The following EFCAB11 variants were observed in gnomAD, a reference collection of about 807,000 sequenced individuals.
EFCAB11 encodes the protein EF-hand calcium binding domain 11, also known as EF-hand calcium-binding domain-containing protein 11.
Under a neutral mutation model 23.0 loss-of-function variants are expected in EFCAB11, and 14 were observed. That is an observed-to-expected ratio of 0.61 (90% CI 0.40 to 0.95). EFCAB11 has a LOEUF of 0.95. EFCAB11 is among the 40% of genes least tolerant of loss of function. The probability of loss-of-function intolerance (pLI) is 0.00; values close to 1 mark genes in which losing one functional copy is unlikely to be tolerated. For missense variants in EFCAB11, 198 were observed against 195.8 expected, an observed-to-expected ratio of 1.01 and a Z score of -0.07; for synonymous variants, 65 against 66.6, an observed-to-expected ratio of 0.98 and a Z score of 0.11.
intron 5 of EFCAB11, among the ~76,000 whole-genome samples, chr14:89,800,015 A>G (rs377702234): frequency 6.6e-6 from 1 of 151,934 alleles, no homozygotes; most frequent in African/African-American, 2.4e-5. Flanking sequence ...GTGAAACCCA[A>G]TCTCTACTAA....
At chr14:89,827,989 A>G (rs1886758016) in intron 5 of EFCAB11, among the ~76,000 whole-genome samples, 1 of 152,160 alleles carries the variant, frequency 6.6e-6, no homozygotes, top group African/African-American at 2.4e-5. Flanking sequence ...CACCAGAGCC[A>G]CTTTTTGAGA....
chr14:89,909,535 C>T (rs575018815), intron 5 of EFCAB11, among the ~76,000 whole-genome samples: 6 of 152,194 alleles, frequency 3.9e-5, no homozygotes, highest in South Asian at 4.1e-4. Context: ...GAGCTGAGAT[C>T]GCGCCATTGC....
At chr14:89,841,616 C>T (rs542984806) in intron 5 of EFCAB11, among the ~76,000 whole-genome samples, 51 of 152,222 alleles carry the variant, frequency 3.4e-4, no homozygotes, top group Non-Finnish European at 5.3e-4. Flanking sequence ...GTACTTGTCA[C>T]TGCTGACCCC....
chr14:89,868,497 G>A lies in EFCAB11; in HGVS notation c.410+63044C>T, dbSNP rs113745050. Among the ~76,000 whole-genome samples, 836 of 152,200 alleles carry A rather than the reference G, an allele frequency of 5.5e-3. 5 individuals are homozygous for A. The highest frequency in any genetic ancestry group is 0.019 in the African/African-American group (809 of 41,516). On this transcript the variant is annotated intron_variant, in intron 5 of 5. Transcript: ENST00000316738. ...AGAATACACCAAGATAAAATACTCC[G>A]TAGAATTAAGCAGAAAAACTATAAA... is the stretch of plus-strand genomic sequence containing the variant.
At chr14:89,932,366 C>T (rs950125936) in intron 4 of EFCAB11, among the ~76,000 whole-genome samples, 160 bp downstream of exon 4, 10 of 151,962 alleles carry the variant, frequency 6.6e-5, no homozygotes, top group South Asian at 2.1e-4. Context: ...GAAATCACGA[C>T]GGAGAAAAAA....
intron 5 of EFCAB11, among the ~76,000 whole-genome samples, chr14:89,809,484 A>G (rs1886080217): frequency 6.6e-6 from 1 of 152,202 alleles, no homozygotes; most frequent in Non-Finnish European, 1.5e-5. Context: ...TTCAGCCACT[A>G]AAAAAGATCA....
At chr14:89,865,634 T>C (rs1888063847) in intron 5 of EFCAB11, among the ~76,000 whole-genome samples, 1 of 151,740 alleles carries the variant, frequency 6.6e-6, no homozygotes, top group South Asian at 2.1e-4. Context: ...CCAGAGTAGC[T>C]GGAACTACAG....
chr14:89,819,496 T>C (rs1056062181), intron 5 of EFCAB11, among the ~76,000 whole-genome samples: 7 of 152,020 alleles, frequency 4.6e-5, no homozygotes, highest in East Asian at 1.9e-4. Flanking sequence ...CACAGCTCAC[T>C]ACAGCCTAAA....
chr14:89,824,967 C>A (rs1258082429), intron 5 of EFCAB11, among the ~76,000 whole-genome samples: 2 of 151,832 alleles, frequency 1.3e-5, no homozygotes, highest in Non-Finnish European at 2.9e-5. Context: ...GACAGGAAAT[C>A]AGTAAAAATA....
intron 5 of EFCAB11, among the ~76,000 whole-genome samples, chr14:89,827,884 C>T (rs1333257748): frequency 2.0e-5 from 3 of 152,096 alleles, no homozygotes; most frequent in South Asian, 2.1e-4. Flanking sequence ...CCGCCTGCCT[C>T]GGCCTCCCAA....
intron 5 of EFCAB11, among the ~76,000 whole-genome samples, chr14:89,881,261 G>C (rs1437465498): frequency 6.6e-6 from 1 of 151,218 alleles, no homozygotes; most frequent in Non-Finnish European, 1.5e-5. Flanking sequence ...ATGTAAGCAA[G>C]TAACAGTTGC....
intron 5 of EFCAB11, among the ~76,000 whole-genome samples, chr14:89,910,384 G>C (rs557646557): frequency 6.6e-6 from 1 of 152,152 alleles, no homozygotes; most frequent in East Asian, 1.9e-4. Context: ...GATCACTTAA[G>C]GCCAGGAGTT....
At position 89,953,923 on chromosome 14, in the gene EFCAB11, C is replaced by A; in HGVS notation, c.154G>T (p.Gly52Trp). 1.9e-6 allele frequency: 3 copies of A among 1,613,588 alleles called. No homozygotes were observed. The highest frequency in any genetic ancestry group is 2.5e-6 in the Non-Finnish European group (3 of 1,179,924). Residue 52 changes from glycine to tryptophan, a missense_variant, in exon 2 of 6, where the codon GGG becomes TGG. Gly to Trp is a radical substitution (Grantham distance 184, BLOSUM62 -2). Transcript: ENST00000316738. ...DFKTAVVMLF[G>W]YKPSKIEVDS... ...AGCTCTACCTTGGAGGGCTTGTACC[C>A]AAACAGCATTACAACAGCAGTTTTA...
At chr14:89,849,425 G>A (rs1222324907) in intron 5 of EFCAB11, among the ~76,000 whole-genome samples, 2 of 152,210 alleles carry the variant, frequency 1.3e-5, no homozygotes, top group African/African-American at 4.8e-5. Flanking sequence ...TTTTCAAAAC[G>A]TAGATGGTGT....
rs1050872017 is a variant in EFCAB11 at position 89,899,824 on chromosome 14, C to T, written c.410+31717G>A. On this transcript the variant is annotated intron_variant, in intron 5 of 5. Coordinates refer to ENST00000316738, the MANE Select transcript of EFCAB11 (RefSeq NM_145231.4). ...AAAAACTAGAGTTCAGTAACAAGTG[C>T]TGGTGAGTATATGGATAGAAAGGAA... is the stretch of plus-strand genomic sequence containing the variant. 2.6e-5 allele frequency among the ~76,000 whole-genome samples: 4 copies of T among 152,132 alleles called. No individual in the cohort carries two copies. The South Asian group carries it at 6.2e-4, about 24-fold the overall frequency.
At chr14:89,892,661 G>A (rs558974773) in intron 5 of EFCAB11, among the ~76,000 whole-genome samples, 2 of 152,244 alleles carry the variant, frequency 1.3e-5, no homozygotes, top group South Asian at 2.1e-4. Context: ...TAGCATTTTC[G>A]GAGGCCAAGG....
intron 5 of EFCAB11, among the ~76,000 whole-genome samples, chr14:89,823,791 A>G (rs971637776): frequency 6.6e-6 from 1 of 152,246 alleles, no homozygotes; most frequent in African/African-American, 2.4e-5. Flanking sequence ...TAATATCTGA[A>G]GTTAATAATT....
intron 5 of EFCAB11, among the ~76,000 whole-genome samples, chr14:89,834,583 G>A (rs565100455): frequency 6.6e-6 from 1 of 152,186 alleles, no homozygotes; most frequent in South Asian, 2.1e-4. Flanking sequence ...AAGGAGACTT[G>A]GAAAGCTGTT....
At chr14:89,831,716 G>T (rs984123368) in intron 5 of EFCAB11, among the ~76,000 whole-genome samples, 1 of 152,178 alleles carries the variant, frequency 6.6e-6, no homozygotes, top group Admixed American at 6.5e-5. Flanking sequence ...ATTGTTAGAA[G>T]TTTTAAAGAA....
Sources: gnomAD v4.1 joint callset for allele counts (sites outside exome capture counted in the v4.1 genomes callset) on GRCh38, gnomAD v4.1.1 for gene constraint, MANE v1.5 for transcripts, NCBI Gene and HGNC (gene_info 2026-07-23, HGNC 2026-07-21) for gene names.